Variants in TRERF1 observed in about 807,000 individuals in gnomAD.
The protein encoded by TRERF1 is transcriptional regulating factor 1.
Under a neutral mutation model 122.9 loss-of-function variants are expected in TRERF1, and 27 were observed. The ratio of observed to expected loss-of-function variants is 0.22; its 90% CI spans 0.16 to 0.30. TRERF1 has a LOEUF of 0.30. Ranked by LOEUF, TRERF1 falls within the 10% of genes least tolerant of loss-of-function variation. The pLI is 1.00. For synonymous variants in TRERF1, 636 were observed against 641.7 expected (o/e 0.99, Z 0.13); for missense variants, 1,248 against 1,560.3 (o/e 0.80, Z 3.37).
At chr6:42,293,912 G>A (rs1784685933) in intron 4 of TRERF1, among the ~76,000 whole-genome samples, 1 of 152,136 alleles carries the variant, frequency 6.6e-6, no homozygotes, top group African/African-American at 2.4e-5. Context: ...GGAGCTCCAA[G>A]CCTCTGTTGG....
intron 2 of TRERF1, among the ~76,000 whole-genome samples, chr6:42,381,786 C>T (rs1263344825): frequency 6.7e-6 from 1 of 149,932 alleles, no homozygotes; most frequent in Non-Finnish European, 1.5e-5. Context: ...AGAGCCCACC[C>T]CAGACTTGGG....
intron 2 of TRERF1, among the ~76,000 whole-genome samples, chr6:42,374,283 A>C (rs1384576254): frequency 6.6e-6 from 1 of 152,168 alleles, no homozygotes; most frequent in Non-Finnish European, 1.5e-5. Context: ...ACCACTGGCT[A>C]TATCAGCTGG....
chr6:42,356,542 C>G (rs1440129676), intron 3 of TRERF1, among the ~76,000 whole-genome samples: 2 of 152,198 alleles, frequency 1.3e-5, no homozygotes, highest in African/African-American at 4.8e-5. Context: ...TCTTGGACTT[C>G]CCAGCCTCCA....
At chr6:42,417,673 G>T (rs372059850) in intron 2 of TRERF1, among the ~76,000 whole-genome samples, 13 of 152,194 alleles carry the variant, frequency 8.5e-5, no homozygotes, top group East Asian at 7.7e-4. Context: ...GCCAGAGCAG[G>T]GGCCAGATAA....
At chr6:42,446,286 C>T (rs561257808) in intron 2 of TRERF1, among the ~76,000 whole-genome samples, 1 of 152,332 alleles carries the variant, frequency 6.6e-6, no homozygotes, top group Non-Finnish European at 1.5e-5. Flanking sequence ...CCAGAGAGTC[C>T]TGCACAATCA....
chr6:42,444,274 T>C (rs1400312661), intron 2 of TRERF1, among the ~76,000 whole-genome samples: 1 of 150,950 alleles, frequency 6.6e-6, no homozygotes, highest in African/African-American at 2.4e-5. Flanking sequence ...ATCACAGAAG[T>C]CTTTTTCTAA....
At chr6:42,352,913 C>T (rs900232588) in intron 3 of TRERF1, among the ~76,000 whole-genome samples, 3 of 152,072 alleles carry the variant, frequency 2.0e-5, no homozygotes, top group South Asian at 2.1e-4. Context: ...CTAAGATTAT[C>T]GTGAAATGGG....
At position 42,262,545 on chromosome 6, in the gene TRERF1, G is replaced by C. The variant is rs1223671683; in HGVS notation, c.1884+775C>G. ...AGAGAGAGAGAGAGAGAGAGAGAGA[G>C]AGAGAGAGAGAGAGAGAGAGAGAGA... On this transcript the variant is annotated intron_variant, in intron 8 of 17. Coordinates refer to ENST00000372922, the Ensembl canonical transcript of TRERF1. 8.3e-4 allele frequency among the ~76,000 whole-genome samples: 75 copies of C among 90,128 alleles called. 9 individuals are homozygous for C. The highest frequency in any genetic ancestry group is 4.4e-3 in the South Asian group (9 of 2,028). The allele number at this position is 90,128 out of a possible 152,430, so 59.1% of individuals were successfully genotyped here.
Position 42,232,971 on chromosome 6 carries a change from T to A in TRERF1, c.3067-79A>T. 2 of 1,475,358 alleles carry A rather than the reference T, an allele frequency of 1.4e-6. No individual in the cohort carries two copies. The highest frequency in any genetic ancestry group is 9.0e-7 in the Non-Finnish European group (1 of 1,108,246). The allele number at this position is 1,475,358 out of a possible 1,614,324, so 91.4% of individuals were successfully genotyped here. The stretch of plus-strand genomic sequence containing the variant: ...GTTATTAGTTACTCAGTGGTAAACA[T>A]GGAATACTTGAAACTGTCTAATGAC... On this transcript the variant is annotated intron_variant, in intron 16 of 17. Coordinates refer to ENST00000372922, the Ensembl canonical transcript of TRERF1. This position sits in a 1 kb window ranked among gnomAD's most constrained non-coding sequence, Gnocchi z 4.5.
intron 2 of TRERF1, among the ~76,000 whole-genome samples, chr6:42,432,102 A>T (rs1490413937): frequency 6.6e-6 from 1 of 152,220 alleles, no homozygotes; most frequent in African/African-American, 2.4e-5. Context: ...CTCATGCCTC[A>T]GATTCCTCTT....
intron 4 of TRERF1, among the ~76,000 whole-genome samples, chr6:42,294,051 G>A (rs1420014318): frequency 6.6e-6 from 1 of 152,108 alleles, no homozygotes; most frequent in Non-Finnish European, 1.5e-5. Flanking sequence ...GAGCCCTTTG[G>A]GGAAACAATG....
chr6:42,335,609 C>T (rs566500949), intron 3 of TRERF1, among the ~76,000 whole-genome samples: 5 of 152,272 alleles, frequency 3.3e-5, no homozygotes, highest in African/African-American at 1.2e-4. Context: ...ATGGGGCGTG[C>T]CATTGACTGA....
intron 3 of TRERF1, among the ~76,000 whole-genome samples, chr6:42,358,992 G>C (rs1581772796): frequency 6.6e-6 from 1 of 152,200 alleles, no homozygotes; most frequent in South Asian, 2.1e-4. Context: ...GAGTGGGGAT[G>C]AAGAATGTAG....
At chr6:42,435,124 T>C (rs1410838913) in intron 2 of TRERF1, among the ~76,000 whole-genome samples, 2 of 135,444 alleles carry the variant, frequency 1.5e-5, no homozygotes, top group Non-Finnish European at 3.1e-5. Context: ...ACAGCAAAAC[T>C]CTGTCTCAAA....
chr6:42,408,287 G>GTGTGTGTATGTATATATACATACACA (rs1780566499), intron 2 of TRERF1, among the ~76,000 whole-genome samples: 1 of 130,974 alleles, frequency 7.6e-6, no homozygotes, highest in Non-Finnish European at 1.6e-5. Context: ...ACATACACAT[G>GTGTGTGTATGTATATATACATACACA]TGTGTGTATG....
chr6:42,268,479 AG>A lies in TRERF1; in HGVS notation c.1111del (p.Leu371TrpfsTer37). On this transcript the variant is annotated frameshift_variant, in exon 5 of 18. Transcript: ENST00000372922. LOFTEE classifies it high-confidence loss of function. The surrounding 1 kb of genome is among the most constrained non-coding windows in gnomAD (Gnocchi z 4.4). ...GTAGTAGTACTGGGACATGGAGCCCAGGGGAATCAGCTGGACAGTGTGTGCC... is the reference window on the plus strand; with the variant it reads ...GTAGTAGTACTGGGACATGGAGCCCAGGGAATCAGCTGGACAGTGTGTGCC... 6.2e-7 allele frequency: 1 copy of A among 1,606,794 alleles called. No homozygotes were observed. The highest frequency in any genetic ancestry group is 8.5e-7 in the Non-Finnish European group (1 of 1,175,610).
intron 3 of TRERF1, among the ~76,000 whole-genome samples, chr6:42,320,159 A>G (rs1419350803): frequency 2.0e-5 from 3 of 152,046 alleles, no homozygotes. Context: ...GCGGCCTCCC[A>G]AAGTACTGGG....
At chr6:42,305,433 C>T (rs1787029884) in intron 3 of TRERF1, among the ~76,000 whole-genome samples, 1 of 152,150 alleles carries the variant, frequency 6.6e-6, no homozygotes, top group Non-Finnish European at 1.5e-5. Flanking sequence ...ACAGGCCACA[C>T]TGCTGTCTGA....
intron 4 of TRERF1, among the ~76,000 whole-genome samples, chr6:42,298,963 AAAAC>A (rs760423921): frequency 1.3e-5 from 2 of 152,018 alleles, no homozygotes; most frequent in African/African-American, 4.8e-5. Flanking sequence ...AACAAAACAA[AAAAC>A]AAACAAACAA....
Sources: gnomAD v4.1 joint callset for allele counts (sites outside exome capture counted in the v4.1 genomes callset) on GRCh38, gnomAD v4.1.1 for gene constraint, Gnocchi (gnomAD v3.1) non-coding constraint, MANE v1.5 for transcripts, NCBI Gene and HGNC (gene_info 2026-07-23, HGNC 2026-07-21) for gene names.